Variants in ZNF710 observed in about 807,000 individuals in gnomAD.
The protein encoded by ZNF710 is zinc finger protein 710.
ZNF710 carries 13 observed loss-of-function variants against 50.6 expected under a neutral mutation model. The ratio of observed to expected loss-of-function variants is 0.26; its 90% CI spans 0.17 to 0.41. The LOEUF (loss-of-function observed/expected upper bound fraction) is 0.41, where lower values mean the gene tolerates loss of function less well. ZNF710 is among the 10% of genes least tolerant of loss of function. ZNF710 has a pLI of 1.00. For synonymous variants in ZNF710, 383 were observed against 397.0 expected (o/e 0.96, Z 0.42); for missense variants, 721 against 936.6 (o/e 0.77, Z 3.01).
intron 4 of ZNF710, among the ~76,000 whole-genome samples, chr15:90,079,114 C>T (rs993229056): frequency 1.3e-5 from 2 of 152,180 alleles, no homozygotes; most frequent in Non-Finnish European, 2.9e-5. Context: ...GGCAGAGCAG[C>T]ACAGTGGCTC....
chr15:90,017,045 G>A (rs1000804419), intron 1 of ZNF710, among the ~76,000 whole-genome samples: 3 of 152,234 alleles, frequency 2.0e-5, no homozygotes, highest in Non-Finnish European at 2.9e-5. Context: ...CCTCAGGTAG[G>A]TGCCAGCTGC....
intron 1 of ZNF710, among the ~76,000 whole-genome samples, chr15:90,007,710 G>A (rs1426572050): frequency 6.6e-6 from 1 of 150,894 alleles, no homozygotes; most frequent in South Asian, 2.1e-4. Context: ...CCAGGCACTG[G>A]GGTCCCAGAG....
intron 1 of ZNF710, among the ~76,000 whole-genome samples, chr15:90,022,445 T>G (rs1009298250): frequency 2.0e-5 from 3 of 152,082 alleles, no homozygotes; most frequent in Non-Finnish European, 4.4e-5. Context: ...GGGACACACT[T>G]GAGGAGTCCG....
intron 1 of ZNF710, among the ~76,000 whole-genome samples, chr15:90,031,437 G>C (rs190855974): frequency 6.6e-6 from 1 of 152,308 alleles, no homozygotes; most frequent in Non-Finnish European, 1.5e-5. Flanking sequence ...TGATTCCTCA[G>C]CACATTTGAG....
chr15:90,038,707 C>CTGTGTGTG (rs144152063), intron 1 of ZNF710, among the ~76,000 whole-genome samples: 1,608 of 143,644 alleles, frequency 0.011, 27 homozygotes, highest in East Asian at 0.027. Flanking sequence ...CCTCCCTGCT[C>CTGTGTGTG]TGTGTGTGTG....
intron 4 of ZNF710, among the ~76,000 whole-genome samples, chr15:90,077,208 G>A (rs1027583182): frequency 2.0e-5 from 3 of 148,944 alleles, no homozygotes; most frequent in Admixed American, 1.3e-4. Flanking sequence ...ACGGTGTACA[G>A]AGATCCACAA....
At chr15:90,025,253 A>G (rs1015352898) in intron 1 of ZNF710, 2 of 152,122 alleles carry the variant, frequency 1.3e-5, no homozygotes, top group African/African-American at 2.4e-5. Flanking sequence ...TCTAAATCCA[A>G]TTATTCCTCA....
intron 1 of ZNF710, among the ~76,000 whole-genome samples, chr15:90,021,313 C>T (rs1322713797): frequency 6.6e-6 from 1 of 152,190 alleles, no homozygotes; most frequent in African/African-American, 2.4e-5. Context: ...ATTAGAGGAC[C>T]TACAGCTTTC....
At chr15:90,074,736 G>A in intron 4 of ZNF710, 1 of 345,254 alleles carries the variant, frequency 2.9e-6, no homozygotes, top group South Asian at 2.3e-5. Flanking sequence ...TAAGTGTATG[G>A]GAAAGAAAGT....
At chr15:90,064,703 G>C (rs8034830) in intron 1 of ZNF710, among the ~76,000 whole-genome samples, 14 of 152,066 alleles carry the variant, frequency 9.2e-5, no homozygotes, top group Non-Finnish European at 1.3e-4. Context: ...GGCCAGGCTG[G>C]TCTCGAACTC....
intron 1 of ZNF710, among the ~76,000 whole-genome samples, chr15:90,008,555 G>A (rs1200064978): frequency 6.6e-6 from 1 of 150,510 alleles, no homozygotes; most frequent in Non-Finnish European, 1.5e-5. Flanking sequence ...GGCCCAGGCA[G>A]GAGGATTGCT....
intron 1 of ZNF710, among the ~76,000 whole-genome samples, chr15:90,058,112 A>G (rs1394732872): frequency 6.6e-6 from 1 of 152,072 alleles, no homozygotes; most frequent in East Asian, 1.9e-4. Flanking sequence ...TGGGGAATGG[A>G]TCAAGAGAGC....
chr15:90,049,286 A>G (rs1283644504), intron 1 of ZNF710, among the ~76,000 whole-genome samples: 1 of 152,186 alleles, frequency 6.6e-6, no homozygotes, highest in Non-Finnish European at 1.5e-5. Context: ...TGCCCAAAGC[A>G]GTACAGCGAG....
chr15:90,058,720 C>T (rs909531007), intron 1 of ZNF710, among the ~76,000 whole-genome samples: 14,341 of 144,552 alleles, frequency 0.099, 2,624 homozygotes, highest in African/African-American at 0.36. Context: ...TATATATATA[C>T]ACACATATAC....
At chr15:90,026,279 AAAG>A (rs1898777613) in intron 1 of ZNF710, among the ~76,000 whole-genome samples, 1 of 151,212 alleles carries the variant, frequency 6.6e-6, no homozygotes, top group Admixed American at 6.6e-5. Flanking sequence ...CAAAAAAAAA[AAAG>A]GGAATGAGAA....
At chr15:90,015,381 A>G (rs1898425115) in intron 1 of ZNF710, among the ~76,000 whole-genome samples, 1 of 152,208 alleles carries the variant, frequency 6.6e-6, no homozygotes, top group African/African-American at 2.4e-5. Flanking sequence ...TATGGAGGAA[A>G]TTCTGGCAAT....
intron 2 of ZNF710, among the ~76,000 whole-genome samples, chr15:90,072,720 G>C (rs561482715): frequency 3.3e-5 from 5 of 152,138 alleles, no homozygotes; most frequent in Admixed American, 1.3e-4. Flanking sequence ...CCCGGTAAAT[G>C]GTTGTTGAAT....
chr15:90,011,924 G>T (rs1443992442), intron 1 of ZNF710, among the ~76,000 whole-genome samples: 1 of 152,134 alleles, frequency 6.6e-6, no homozygotes, highest in East Asian at 1.9e-4. Context: ...AAGAAGCTGG[G>T]GGCTGGGCGT....
chr15:90,075,275 C>T (rs1255833010), intron 4 of ZNF710: 2 of 152,302 alleles, frequency 1.3e-5, no homozygotes, highest in African/African-American at 4.8e-5. Context: ...AATCCTGGCA[C>T]TTTGGGAGGC....
Sources: allele counts gnomAD v4.1 joint callset (sites outside exome capture counted in the v4.1 genomes callset), GRCh38; gene constraint gnomAD v4.1.1; transcripts MANE v1.5; gene names NCBI Gene and HGNC (gene_info 2026-07-23, HGNC 2026-07-21).